PDE3A: variants seen among roughly 807,000 people sequenced by gnomAD.
The protein encoded by PDE3A is phosphodiesterase 3A.
PDE3A carries 43 observed loss-of-function variants against 98.3 expected under a neutral mutation model. That is an observed-to-expected ratio of 0.44 (90% CI 0.34 to 0.56). The LOEUF (loss-of-function observed/expected upper bound fraction) is 0.56, where lower values mean the gene tolerates loss of function less well. Ranked by LOEUF, PDE3A falls within the 20% of genes least tolerant of loss-of-function variation. PDE3A has a pLI of 0.01. For missense variants in PDE3A, 1,427 were observed against 1,440.7 expected (o/e 0.99, Z 0.15); for synonymous variants, 663 against 567.9 (o/e 1.17, Z -2.38).
intron 1 of PDE3A, among the ~76,000 whole-genome samples, chr12:20,515,983 C>T (rs1391815839): frequency 5.3e-5 from 8 of 150,930 alleles, no homozygotes; most frequent in Admixed American, 2.6e-4. Flanking sequence ...CCGCCCGCCT[C>T]GGCCTCCCAA....
intron 2 of PDE3A, among the ~76,000 whole-genome samples, chr12:20,604,117 T>A (rs1251889629): frequency 6.7e-6 from 1 of 149,660 alleles, no homozygotes; most frequent in Non-Finnish European, 1.5e-5. Flanking sequence ...GGCAGTGAGC[T>A]GAGATCGTGC....
intron 1 of PDE3A, among the ~76,000 whole-genome samples, chr12:20,424,930 A>G (rs1944579244): frequency 6.6e-6 from 1 of 152,218 alleles, no homozygotes. Context: ...CTTCAAAGCC[A>G]AATGAGGACT....
Position 20,482,243 on chromosome 12 carries a change from T to TA in PDE3A, c.961-74405dup, listed in dbSNP as rs58290740. 1.7e-3 allele frequency among the ~76,000 whole-genome samples: 255 copies of TA among 147,552 alleles called. 1 individual carries two copies. Among genetic ancestry groups the TA allele is most frequent in the South Asian group, 7.2e-3 (34 of 4,732 alleles). On this transcript the variant is annotated intron_variant, in intron 1 of 15. Transcript: ENST00000359062. ...TTGCACACATGTATTTTTTTTTCTG[T>TA]AAAAAAAAAAAACCTGATGTAGAAG...
At chr12:20,636,012 A>G (rs1287367314) in intron 8 of PDE3A, among the ~76,000 whole-genome samples, 1 of 152,162 alleles carries the variant, frequency 6.6e-6, no homozygotes, top group Admixed American at 6.5e-5. Flanking sequence ...TCCTTAAAAC[A>G]ATATTTTATA....
intron 1 of PDE3A, among the ~76,000 whole-genome samples, chr12:20,477,163 A>G (rs1376233127): frequency 6.6e-6 from 1 of 152,206 alleles, no homozygotes; most frequent in Non-Finnish European, 1.5e-5. Context: ...AAAAAAGGAA[A>G]GACATGTTTG....
intron 1 of PDE3A, among the ~76,000 whole-genome samples, chr12:20,459,336 C>T (rs1019923358): frequency 2.0e-5 from 3 of 151,930 alleles, no homozygotes; most frequent in Admixed American, 6.6e-5. Context: ...GAAATCTTTC[C>T]AACTCCAAAC....
chr12:20,455,080 C>T (rs992118987), intron 1 of PDE3A, among the ~76,000 whole-genome samples: 3 of 152,282 alleles, frequency 2.0e-5, no homozygotes, highest in East Asian at 3.9e-4. Context: ...CTCCCACCAA[C>T]AGTGTATAAG....
chr12:20,605,414 A>T (rs1335615825), intron 2 of PDE3A, among the ~76,000 whole-genome samples: 1 of 152,238 alleles, frequency 6.6e-6, no homozygotes, highest in Admixed American at 6.5e-5. Flanking sequence ...GACTTTTCTA[A>T]GTCTACATAA....
chr12:20,635,157 AC>A, intron 8 of PDE3A, 101 bp downstream of exon 8: 1 of 1,082,226 alleles, frequency 9.2e-7, no homozygotes, highest in Non-Finnish European at 1.3e-6. Flanking sequence ...AAGGTGGCTC[AC>A]ACCTGTAATC....
chr12:20,578,087 A>C (rs1232807208), intron 2 of PDE3A, among the ~76,000 whole-genome samples: 2 of 152,192 alleles, frequency 1.3e-5, no homozygotes, highest in Non-Finnish European at 2.9e-5. Flanking sequence ...CTTAAAGATC[A>C]CTTATGCATT....
chr12:20,463,820 T>C (rs1367549286), intron 1 of PDE3A, among the ~76,000 whole-genome samples: 3 of 152,188 alleles, frequency 2.0e-5, no homozygotes, highest in Non-Finnish European at 4.4e-5. Flanking sequence ...GCTGGGGAAC[T>C]GTTTATATTT....
intron 1 of PDE3A, among the ~76,000 whole-genome samples, chr12:20,384,857 G>A (rs549897670): frequency 6.6e-6 from 1 of 152,172 alleles, no homozygotes; most frequent in South Asian, 2.1e-4. Flanking sequence ...CAAAGGAGAC[G>A]ACCTCATTCC....
intron 12 of PDE3A, among the ~76,000 whole-genome samples, chr12:20,647,637 A>C (rs918391782): frequency 1.3e-5 from 2 of 152,072 alleles, no homozygotes; most frequent in Non-Finnish European, 1.5e-5. Context: ...TCTAGAGGCC[A>C]ATTTCATTCA....
chr12:20,449,800 T>C (rs1378530534), intron 1 of PDE3A: 1 of 527,154 alleles, frequency 1.9e-6, no homozygotes, highest in African/African-American at 1.9e-5. Context: ...CTTGGTCAGT[T>C]TTGGTTGCTG....
chr12:20,373,149 T>G (rs1450444766), intron 1 of PDE3A, among the ~76,000 whole-genome samples: 3 of 152,146 alleles, frequency 2.0e-5, no homozygotes, highest in African/African-American at 7.2e-5. Context: ...CTTTAAAGTT[T>G]AAAGAACTAT....
At chr12:20,453,043 A>T (rs979951861) in intron 1 of PDE3A, among the ~76,000 whole-genome samples, 4 of 152,166 alleles carry the variant, frequency 2.6e-5, no homozygotes, top group African/African-American at 9.7e-5. Flanking sequence ...ATGTACTCCT[A>T]TTTAATTCCT....
At chr12:20,517,574 T>G (rs1290162137) in intron 1 of PDE3A, among the ~76,000 whole-genome samples, 1 of 152,218 alleles carries the variant, frequency 6.6e-6, no homozygotes, top group Non-Finnish European at 1.5e-5. Flanking sequence ...AACTGAGTAT[T>G]TGTGATTTAG....
At chr12:20,667,567 T>C (rs993598652) in intron 15 of PDE3A, among the ~76,000 whole-genome samples, 1 of 152,200 alleles carries the variant, frequency 6.6e-6, no homozygotes, top group African/African-American at 2.4e-5. Context: ...ACCTTTGTCA[T>C]AAATCAGTTG....
intron 1 of PDE3A, among the ~76,000 whole-genome samples, chr12:20,527,530 C>T (rs908395276): frequency 6.6e-6 from 1 of 152,126 alleles, no homozygotes; most frequent in African/African-American, 2.4e-5. Flanking sequence ...TCTCTCCTCC[C>T]AACCTACATT....
Sources: gnomAD v4.1 joint callset for allele counts (sites outside exome capture counted in the v4.1 genomes callset) on GRCh38, gnomAD v4.1.1 for gene constraint, MANE v1.5 for transcripts, NCBI Gene and HGNC (gene_info 2026-07-23, HGNC 2026-07-21) for gene names.